ATRX: variants seen among roughly 807,000 people sequenced by gnomAD.
ATRX encodes chromatin remodeler ATRX.
In ATRX, 12 loss-of-function variants were observed where a neutral mutation model predicts 172.6. The ratio of observed to expected loss-of-function variants is 0.07; its 90% CI spans 0.04 to 0.11. The LOEUF (loss-of-function observed/expected upper bound fraction) is 0.11. Ranked by LOEUF, ATRX falls within the 10% of genes least tolerant of loss-of-function variation. The pLI is 1.00. For synonymous variants in ATRX, 674 were observed against 594.7 expected (o/e 1.13, Z -1.94); for missense variants, 1,368 against 1,767.4 (o/e 0.77, Z 4.05).
intron 7 of ATRX, 105 bp from the exon 8 acceptor site, chrX:77,685,111 TC>T: frequency 1.6e-6 from 1 of 618,684 alleles, no homozygotes; most frequent in Non-Finnish European, 2.6e-6. Flanking sequence ...GGGGAAAATC[TC>T]CAGGACACTG....
intron 1 of ATRX, among the ~76,000 whole-genome samples, chrX:77,730,668 CAAT>C (rs1160178899): frequency 1.8e-5 from 2 of 111,434 alleles, no homozygotes; most frequent in Non-Finnish European, 3.8e-5. Flanking sequence ...AACTAGAAAT[CAAT>C]AATGAGAAAT....
intron 28 of ATRX, among the ~76,000 whole-genome samples, chrX:77,573,140 A>G (rs2065477244): frequency 1.8e-5 from 2 of 112,162 alleles, no homozygotes; most frequent in South Asian, 7.3e-4. Context: ...GTGTTGGTCA[A>G]TAACAGACAG....
intron 15 of ATRX, among the ~76,000 whole-genome samples, chrX:77,637,026 G>A (rs1557108655): frequency 9.3e-6 from 1 of 108,064 alleles, no homozygotes; most frequent in Non-Finnish European, 1.9e-5. Context: ...GGAGGAAGAA[G>A]AAGGAAGGAG....
At chrX:77,544,411 CTTTTT>C (rs1915404484) in intron 30 of ATRX, among the ~76,000 whole-genome samples, 1 of 111,154 alleles carries the variant, frequency 9.0e-6, no homozygotes, top group African/African-American at 3.3e-5. Context: ...TCTAGCTTTT[CTTTTT>C]CTTTTTTTTT....
rs373889972 is a variant in ATRX, at chrX:77,625,279, A to C, written c.5135-4747T>G. Among the ~76,000 whole-genome samples the C allele has an allele frequency of 6.7e-4, 76 of 112,857 alleles. 2 individuals carry two copies. The South Asian group carries it at 0.025, about 37-fold the overall frequency. On this transcript the variant is annotated intron_variant, in intron 19 of 34. Coordinates refer to ENST00000373344, the MANE Select transcript of ATRX (RefSeq NM_000489.6). ...TAAGGACTTAAACCTAAGACCTGAAACTATAAAAATTCTAGAAGATGAGAT... is the reference window on the plus strand; with the variant it reads ...TAAGGACTTAAACCTAAGACCTGAACCTATAAAAATTCTAGAAGATGAGAT...
chrX:77,636,241 G>A lies in ATRX; in HGVS notation c.4558-185C>T, dbSNP rs45606642. On this transcript the variant is annotated intron_variant, in intron 15 of 34. Transcript: ENST00000373344. ...AATTGTAATCCCCAATGTTGGAGGT[G>A]GGGCCTGGTGGGAGGTGGCTGGATC... is the stretch of plus-strand genomic sequence containing the variant. Among the ~76,000 whole-genome samples the A allele has an allele frequency of 7.8e-3, 877 of 112,031 alleles. 9 individuals carry two copies. Among genetic ancestry groups the A allele is most frequent in the African/African-American group, 0.027 (847 of 30,838 alleles).
intron 1 of ATRX, among the ~76,000 whole-genome samples, chrX:77,735,727 G>A (rs1376021806): frequency 2.1e-5 from 2 of 97,195 alleles, no homozygotes; most frequent in African/African-American, 3.8e-5. Flanking sequence ...GCGTGAACCC[G>A]GGAGGCGGAG....
chrX:77,782,327 A>G, intron 1 of ATRX, among the ~76,000 whole-genome samples: 1 of 112,477 alleles, frequency 8.9e-6, no homozygotes, highest in Admixed American at 9.5e-5. Flanking sequence ...AATTTAGACA[A>G]CTTCTGCCTT....
At chrX:77,728,953 G>A (rs1303518372) in intron 1 of ATRX, among the ~76,000 whole-genome samples, 1 of 106,758 alleles carries the variant, frequency 9.4e-6, no homozygotes, top group Non-Finnish European at 1.9e-5. Context: ...GTATAGACGG[G>A]GTTTCACCAT....
At chrX:77,753,656 C>T (rs1237837330) in intron 1 of ATRX, among the ~76,000 whole-genome samples, 1 of 111,812 alleles carries the variant, frequency 8.9e-6, no homozygotes, top group Non-Finnish European at 1.9e-5. Flanking sequence ...ATTTCTGGTA[C>T]GTTGTCTCTT....
At chrX:77,744,796 T>G (rs1216547288) in intron 1 of ATRX, among the ~76,000 whole-genome samples, 1 of 110,770 alleles carries the variant, frequency 9.0e-6, no homozygotes, top group African/African-American at 3.3e-5. Flanking sequence ...GAGACCAGTC[T>G]AGACAACATG....
At chrX:77,737,417 T>C (rs1347474414) in intron 1 of ATRX, among the ~76,000 whole-genome samples, 1 of 58,542 alleles carries the variant, frequency 1.7e-5, no homozygotes, top group Non-Finnish European at 2.7e-5. Flanking sequence ...GGCAAGACTC[T>C]GTCTCCAAAA....
intron 1 of ATRX, among the ~76,000 whole-genome samples, chrX:77,757,228 T>A (rs1198913769): frequency 2.7e-5 from 3 of 112,047 alleles, no homozygotes; most frequent in Non-Finnish European, 3.8e-5. Context: ...GAAATCTTCA[T>A]CTTGGTATTG....
chrX:77,726,096 C>T (rs2074020507), intron 1 of ATRX, among the ~76,000 whole-genome samples: 1 of 111,433 alleles, frequency 9.0e-6, no homozygotes, highest in African/African-American at 3.3e-5. Flanking sequence ...CTAGAAATAC[C>T]ATTTGACCCA....
At chrX:77,725,535 G>A (rs1486979466) in intron 1 of ATRX, among the ~76,000 whole-genome samples, 4 of 111,577 alleles carry the variant, frequency 3.6e-5, no homozygotes, top group East Asian at 2.8e-4. Context: ...GAAAACCTAG[G>A]CAATACCATT....
chrX:77,597,005 A>C (rs1212511946), intron 25 of ATRX: 1 of 111,258 alleles, frequency 9.0e-6, no homozygotes, highest in Non-Finnish European at 1.9e-5. Flanking sequence ...TATATTTTTA[A>C]TTATGAGATG....
chrX:77,570,180 C>T (rs939203603), intron 28 of ATRX, among the ~76,000 whole-genome samples: 1 of 107,194 alleles, frequency 9.3e-6, no homozygotes, highest in Non-Finnish European at 1.9e-5. Context: ...GTTTTTTCTT[C>T]GTTCTTTTTT....
intron 34 of ATRX, among the ~76,000 whole-genome samples, chrX:77,514,162 T>G (rs1255777807): frequency 8.9e-6 from 1 of 112,243 alleles, no homozygotes; most frequent in Admixed American, 9.4e-5. Context: ...GAATCAATAT[T>G]GTTGAAATGG....
At chrX:77,616,916 G>A (rs1476730379) in intron 21 of ATRX, among the ~76,000 whole-genome samples, 186 bp from the exon 22 acceptor site, 7 of 111,528 alleles carry the variant, frequency 6.3e-5, no homozygotes, top group African/African-American at 2.3e-4. Context: ...TATTTCATAT[G>A]ACTATACAAT....
Sources: gnomAD v4.1 joint callset for allele counts (sites outside exome capture counted in the v4.1 genomes callset) on GRCh38, gnomAD v4.1.1 for gene constraint, MANE v1.5 for transcripts, NCBI Gene and HGNC (gene_info 2026-07-23, HGNC 2026-07-21) for gene names.